Variants in PTPRG observed in about 807,000 individuals in gnomAD.
The protein encoded by PTPRG is receptor-type tyrosine-protein phosphatase gamma.
A neutral mutation model predicts 165.3 loss-of-function variants in PTPRG; 102 were observed. The observed-to-expected ratio is 0.62, with a 90% CI of 0.53 to 0.73. The LOEUF is 0.73. PTPRG is among the 30% of genes least tolerant of loss of function. The probability of loss-of-function intolerance (pLI) is 0.00; values close to 1 mark genes in which losing one functional copy is unlikely to be tolerated. For missense variants in PTPRG, 1,866 were observed against 1,861.4 expected, an observed-to-expected ratio of 1.00 and a Z score of -0.05; for synonymous variants, 675 against 669.5, an observed-to-expected ratio of 1.01 and a Z score of -0.13.
intron 1 of PTPRG, among the ~76,000 whole-genome samples, chr3:61,607,849 C>T (rs919179366): frequency 1.3e-5 from 2 of 152,124 alleles, no homozygotes; most frequent in African/African-American, 4.8e-5. Context: ...AGGGGCTGGA[C>T]TGTGGAGAAC....
chr3:61,632,465 T>A (rs895948454), intron 1 of PTPRG, among the ~76,000 whole-genome samples: 2 of 152,186 alleles, frequency 1.3e-5, no homozygotes, highest in African/African-American at 4.8e-5. Context: ...ATCACTTCTG[T>A]TCTAGGATAT....
intron 13 of PTPRG, among the ~76,000 whole-genome samples, chr3:62,223,709 A>G (rs1700698763): frequency 6.6e-6 from 1 of 152,162 alleles, no homozygotes; most frequent in South Asian, 2.1e-4. Flanking sequence ...GTAGTGTTAT[A>G]CCAGATCTGA....
intron 26 of PTPRG, among the ~76,000 whole-genome samples, chr3:62,278,848 T>C (rs1009599495): frequency 2.0e-5 from 3 of 152,024 alleles, no homozygotes; most frequent in African/African-American, 7.2e-5. Flanking sequence ...GCACTTAGGG[T>C]TGTTAAAACG....
chr3:62,262,928 G>C, intron 17 of PTPRG, 34 bp downstream of exon 17: 1 of 1,499,166 alleles, frequency 6.7e-7, no homozygotes, highest in Non-Finnish European at 9.3e-7. Context: ...CTTCAACTGC[G>C]AGGAAATTAA....
intron 2 of PTPRG, among the ~76,000 whole-genome samples, chr3:61,949,011 A>G (rs2039832048): frequency 9.8e-6 from 1 of 102,332 alleles, no homozygotes; most frequent in Non-Finnish European, 2.4e-5. Flanking sequence ...CAAGGAAAAG[A>G]GAGAAGGCAC....
intron 2 of PTPRG, among the ~76,000 whole-genome samples, chr3:61,945,560 C>CAAAAAAAAAAAAAAAAAAAAAAAA (rs71123242): frequency 7.2e-5 from 4 of 55,460 alleles, no homozygotes; most frequent in African/African-American, 2.1e-4. Flanking sequence ...ACTCCGTCAC[C>CAAAAAAAAAAAAAAAAAAAAAAAA]AAAAAAAAAA....
Position 61,787,725 on chromosome 3 carries a change from C to G in PTPRG, c.190+38743C>G, listed in dbSNP as rs183894713. Among the ~76,000 whole-genome samples the G allele has an allele frequency of 4.6e-5, 7 of 152,274 alleles. No homozygotes were observed. The East Asian group carries it at 7.7e-4, about 17-fold the overall frequency. On this transcript the variant is annotated intron_variant, in intron 2 of 29. Coordinates refer to ENST00000474889, the MANE Select transcript of PTPRG (RefSeq NM_002841.4). The stretch of plus-strand genomic sequence containing the variant: ...GTGGTTCCTGTGGAGTTGTTAAAGT[C>G]AATCTGTTCTTAAAAACTTCTTAAA...
intron 4 of PTPRG, among the ~76,000 whole-genome samples, chr3:62,026,926 TA>T (rs1189143475): frequency 6.9e-6 from 1 of 145,518 alleles, no homozygotes; most frequent in African/African-American, 2.5e-5. Flanking sequence ...GATTGTTGTG[TA>T]AAACAAAACA....
At chr3:61,570,640 G>A (rs1700033963) in intron 1 of PTPRG, among the ~76,000 whole-genome samples, 1 of 152,150 alleles carries the variant, frequency 6.6e-6, no homozygotes, top group African/African-American at 2.4e-5. Context: ...AATCAGATCT[G>A]TTCATTAATT....
At chr3:61,645,291 C>T (rs186286827) in intron 1 of PTPRG, among the ~76,000 whole-genome samples, 8 of 152,348 alleles carry the variant, frequency 5.3e-5, no homozygotes, top group East Asian at 3.9e-4. Flanking sequence ...GTCCACACCC[C>T]GCATTCCTTT....
intron 2 of PTPRG, among the ~76,000 whole-genome samples, chr3:61,874,935 A>G (rs948603600): frequency 6.6e-6 from 1 of 152,234 alleles, no homozygotes; most frequent in Non-Finnish European, 1.5e-5. Context: ...GCTGGAGACA[A>G]AGCAGGGAAG....
intron 8 of PTPRG, among the ~76,000 whole-genome samples, chr3:62,189,646 T>A (rs1268184283): frequency 6.6e-6 from 1 of 152,156 alleles, no homozygotes; most frequent in Non-Finnish European, 1.5e-5. Context: ...CTGCCATTCC[T>A]CCCTGGTCTT....
chr3:62,248,085 T>G (rs556366707), intron 15 of PTPRG, among the ~76,000 whole-genome samples: 1 of 152,188 alleles, frequency 6.6e-6, no homozygotes, highest in East Asian at 1.9e-4. Flanking sequence ...ACAGAGACTG[T>G]GAATATATAT....
rs1700663225 is a variant in PTPRG, at chr3:62,222,029, C to T, written c.2288+3046C>T. ...TCTGTACGGTAGGTACTATCACTGT[C>T]CTTTCTATTTGACCCACATTCTTTG... On this transcript the variant is annotated intron_variant, in intron 13 of 29. Transcript: ENST00000474889. The surrounding 1 kb of genome is among the most constrained non-coding windows in gnomAD (Gnocchi z 4.5). Among the ~76,000 whole-genome samples, 1 of 152,178 alleles carries T rather than the reference C, an allele frequency of 6.6e-6. No individual in the cohort carries two copies. The highest frequency in any genetic ancestry group is 6.5e-5 in the Admixed American group (1 of 15,280).
At chr3:61,998,544 A>G (rs769764787) in intron 3 of PTPRG, among the ~76,000 whole-genome samples, 1 of 152,248 alleles carries the variant, frequency 6.6e-6, no homozygotes, top group Non-Finnish European at 1.5e-5. Context: ...CAGTGGCAGA[A>G]CTAGGATTCA....
intron 2 of PTPRG, among the ~76,000 whole-genome samples, chr3:61,854,110 A>G (rs1469765537): frequency 1.3e-5 from 2 of 152,214 alleles, no homozygotes; most frequent in Non-Finnish European, 2.9e-5. Flanking sequence ...AGTTGACAGC[A>G]AGAGAATGAG....
chr3:62,077,150 C>T (rs1012773413), intron 4 of PTPRG, among the ~76,000 whole-genome samples: 30 of 152,002 alleles, frequency 2.0e-4, no homozygotes, highest in African/African-American at 7.0e-4. Context: ...CCTGTAGTCC[C>T]AGCTACTCAG....
intron 1 of PTPRG, among the ~76,000 whole-genome samples, chr3:61,720,221 T>TCAAGCAATTCTCCTGCCTC (rs1225657117): frequency 6.6e-6 from 1 of 151,964 alleles, no homozygotes; most frequent in Non-Finnish European, 1.5e-5. Context: ...CCTCCTGGGT[T>TCAAGCAATTCTCCTGCCTC]CAAGCAATTC....
intron 1 of PTPRG, among the ~76,000 whole-genome samples, chr3:61,730,785 G>T (rs1248326974): frequency 6.6e-6 from 1 of 152,156 alleles, no homozygotes. Flanking sequence ...GTTTGCTTTT[G>T]TTCACTTATC....
Sources: gnomAD v4.1 joint callset for allele counts (sites outside exome capture counted in the v4.1 genomes callset) on GRCh38, gnomAD v4.1.1 for gene constraint, Gnocchi (gnomAD v3.1) non-coding constraint, MANE v1.5 for transcripts, NCBI Gene and HGNC (gene_info 2026-07-23, HGNC 2026-07-21) for gene names.